The following LRRC75A variants were observed in gnomAD, a reference collection of about 807,000 sequenced individuals.
LRRC75A encodes leucine rich repeat containing 75A.
In LRRC75A, 12 loss-of-function variants were observed where a neutral mutation model predicts 26.0. That is an observed-to-expected ratio of 0.46 (90% confidence interval 0.30 to 0.75). LRRC75A has a LOEUF of 0.75. LRRC75A is among the 30% of genes least tolerant of loss of function. The probability of loss-of-function intolerance (pLI) is 0.08; values close to 1 mark genes in which losing one functional copy is unlikely to be tolerated. For missense variants in LRRC75A, 410 were observed against 486.6 expected (o/e 0.84, Z 1.48); for synonymous variants, 223 against 219.3 (o/e 1.02, Z -0.15).
intron 1 of LRRC75A, among the ~76,000 whole-genome samples, chr17:16,473,988 A>C (rs2093813613): frequency 6.6e-6 from 1 of 152,238 alleles, no homozygotes; most frequent in Non-Finnish European, 1.5e-5. Flanking sequence ...CTGGAAACAG[A>C]TGCCCAGCCG....
chr17:16,442,302 A>C lies in LRRC75A; in HGVS notation c.*1286T>G, dbSNP rs1389849100. On this transcript the variant is annotated 3_prime_UTR_variant, in exon 4 of 4. Coordinates refer to ENST00000470794, the MANE Select transcript of LRRC75A (RefSeq NM_001113567.3). ...ACCTTAACAGCATGTAGGGCCCCAT[A>C]CTCTAGGCCCCATCTTGCTGTCTTC... 1 of 151,952 alleles carries C rather than the reference A, an allele frequency of 6.6e-6. No individual in the cohort carries two copies. Among genetic ancestry groups the C allele is most frequent in the Non-Finnish European group, 1.5e-5 (1 of 68,038 alleles). 9.4% of individuals were successfully genotyped at this position (151,952 alleles called of 1,614,324 possible). A position where few individuals can be genotyped will look rare whatever the true frequency, so the allele number is the denominator to read the frequency against.
At chr17:16,447,652 T>A (rs1374187517) in intron 3 of LRRC75A, among the ~76,000 whole-genome samples, 193 bp downstream of exon 3, 1 of 152,026 alleles carries the variant, frequency 6.6e-6, no homozygotes, top group African/African-American at 2.4e-5. Context: ...CACATCTTCC[T>A]CCCACCCACC....
At chr17:16,481,161 G>A (rs1487538364) in intron 1 of LRRC75A, among the ~76,000 whole-genome samples, 1 of 152,216 alleles carries the variant, frequency 6.6e-6, no homozygotes, top group African/African-American at 2.4e-5. Flanking sequence ...AGCGCTGCCT[G>A]TCCTCTGATG....
At chr17:16,457,319 G>T (rs113045884) in intron 2 of LRRC75A, among the ~76,000 whole-genome samples, 4 of 152,264 alleles carry the variant, frequency 2.6e-5, no homozygotes, top group African/African-American at 9.6e-5. Flanking sequence ...CGGCTTTTCT[G>T]TTTCCTCTTG....
In LRRC75A at chr17:16,484,137, A is replaced by AC. The variant is rs757503593; in HGVS notation, c.246+7607dup. On this transcript the variant is annotated intron_variant, in intron 1 of 3. Transcript: ENST00000470794. ...CGGATCATGAAGTCAAGAGATCGAG[A>AC]CCATCCTGGCCAACATAGTGAAACC... Among the ~76,000 whole-genome samples, 59 of 152,042 alleles carry AC rather than the reference A, an allele frequency of 3.9e-4. 1 individual carries two copies. The highest frequency in any genetic ancestry group is 7.2e-4 in the Non-Finnish European group (49 of 67,986).
chr17:16,446,074 A>G (rs1015118032), intron 3 of LRRC75A, among the ~76,000 whole-genome samples: 1 of 152,098 alleles, frequency 6.6e-6, no homozygotes, highest in Non-Finnish European at 1.5e-5. Context: ...ATGCCCAGCT[A>G]ATTTTTTTAT....
At chr17:16,469,872 G>C (rs1478797460) in intron 1 of LRRC75A, among the ~76,000 whole-genome samples, 1 of 152,208 alleles carries the variant, frequency 6.6e-6, no homozygotes, top group Non-Finnish European at 1.5e-5. Flanking sequence ...GGAGAGGGGA[G>C]TGGAAGAGCC....
intron 1 of LRRC75A, among the ~76,000 whole-genome samples, chr17:16,484,855 C>T (rs1331795069): frequency 6.6e-6 from 1 of 151,970 alleles, no homozygotes; most frequent in Non-Finnish European, 1.5e-5. Context: ...TGTGTCTCTC[C>T]TGGTTAAGAT....
chr17:16,462,100 C>A lies in LRRC75A; in HGVS notation c.375+158G>T, dbSNP rs1277915005. 6.6e-6 allele frequency among the ~76,000 whole-genome samples: 1 copy of A among 152,164 alleles called. No individual in the cohort carries two copies. The highest frequency in any genetic ancestry group is 1.5e-5 in the Non-Finnish European group (1 of 68,014). ...AAACAAAACCAATCTGTGCTAGTGG[C>A]ACCAAGGGAGAGCACCTCAAGCTCT... On this transcript the variant is annotated intron_variant, in intron 2 of 3. Coordinates refer to ENST00000470794, the MANE Select transcript of LRRC75A (RefSeq NM_001113567.3). This position sits in a 1 kb window ranked among gnomAD's most constrained non-coding sequence, Gnocchi z 4.6.
In LRRC75A at chr17:16,462,281, G is replaced by A. The variant is rs748250830; in HGVS notation, c.352C>T (p.Arg118Cys). ...ITHDLIISLARYIHCPKPEGD... is the reference protein window; with the variant it reads ...ITHDLIISLACYIHCPKPEGD... ...ACCGGCTTGGGACAGTGGATGTAGCGTGCCAGGCTGATGATGAGGTCGTGT... is the reference window on the plus strand; with the variant it reads ...ACCGGCTTGGGACAGTGGATGTAGCATGCCAGGCTGATGATGAGGTCGTGT... Residue 118 changes from arginine (R) to cysteine (C), a missense_variant, in exon 2 of 4, where the codon CGC becomes TGC. By Grantham distance (180) the Arg-to-Cys change is radical. Transcript: ENST00000470794. The surrounding 1 kb of genome is among the most constrained non-coding windows in gnomAD (Gnocchi z 4.6). The A allele has an allele frequency of 3.0e-5, 48 of 1,613,966 alleles. No homozygotes were observed. Among genetic ancestry groups the A allele is most frequent in the Admixed American group, 6.7e-5 (4 of 59,976 alleles).
At position 16,442,135 on chromosome 17, in the gene LRRC75A, C is replaced by A. The variant is rs2093533365; in HGVS notation, c.*1453G>T. ...CCCTGTGGTCAGCCTAAGCTCTTAA[C>A]CCCCTATTCTACAGCTTTAGACTGA... is the stretch of plus-strand genomic sequence containing the variant. On this transcript the variant is annotated 3_prime_UTR_variant, in exon 4 of 4. Transcript: ENST00000470794. The A allele has an allele frequency of 6.6e-6, 1 of 152,308 alleles. No homozygotes were observed. Among genetic ancestry groups the A allele is most frequent in the Non-Finnish European group, 1.5e-5 (1 of 68,120 alleles). The allele number at this position is 152,308 out of a possible 1,614,324, so 9.4% of individuals were successfully genotyped here. A position where few individuals can be genotyped will look rare whatever the true frequency, so the allele number is the denominator to read the frequency against.
At chr17:16,476,989 T>C (rs11870244) in intron 1 of LRRC75A, among the ~76,000 whole-genome samples, 72,608 of 151,202 alleles carry the variant, frequency 0.48, 18,428 homozygotes, top group East Asian at 0.68. Flanking sequence ...CCGCCCGCCT[T>C]GGCCTCCCAA....
chr17:16,454,737 CAAAA>C (rs1245897945), intron 2 of LRRC75A, among the ~76,000 whole-genome samples: 1 of 151,494 alleles, frequency 6.6e-6, no homozygotes, highest in Non-Finnish European at 1.5e-5. Flanking sequence ...TTCTAACAAA[CAAAA>C]AACCAAAAAA....
In LRRC75A at chr17:16,462,993, T is replaced by C. The variant is rs1234870097; in HGVS notation, c.247-607A>G. ...AGGGGAGCAGCTTGGAGGCGAGTGCTACTAAGTGTGGTGGGGCCGCGGCAG... is the reference window on the plus strand; with the variant it reads ...AGGGGAGCAGCTTGGAGGCGAGTGCCACTAAGTGTGGTGGGGCCGCGGCAG... On this transcript the variant is annotated intron_variant, in intron 1 of 3. Transcript: ENST00000470794. The surrounding 1 kb of genome is among the most constrained non-coding windows in gnomAD (Gnocchi z 4.6). 6.5e-6 allele frequency: 1 copy of C among 153,740 alleles called. No individual in the cohort carries two copies. The highest frequency in any genetic ancestry group is 1.4e-5 in the Non-Finnish European group (1 of 69,184). The allele number at this position is 153,740 out of a possible 1,614,324, so 9.5% of individuals were successfully genotyped here. A position where few individuals can be genotyped will look rare whatever the true frequency, so the allele number is the denominator to read the frequency against.
chr17:16,448,215 C>G (rs147047205), intron 2 of LRRC75A: 3 of 447,008 alleles, frequency 6.7e-6, no homozygotes, highest in African/African-American at 2.0e-5. Flanking sequence ...TCCAGGAGAT[C>G]GGACAAAAGT....
At chr17:16,454,365 C>G (rs1250230524) in intron 2 of LRRC75A, among the ~76,000 whole-genome samples, 1 of 150,696 alleles carries the variant, frequency 6.6e-6, no homozygotes, top group African/African-American at 2.4e-5. Context: ...GCACTCCAGC[C>G]TGGGCAACAG....
rs779960352 is a variant in LRRC75A at position 16,447,918 on chromosome 17, G to A, written c.418C>T (p.Leu140=). ...GAGTGGGGGCTGAGGTGGTATGTCA[G>A]CTGCCGGCACAGCTTCTCCATGGCG... The part of the protein sequence containing the change: ...LGAMEKLCRQ[L]TYHLSPHSQW... The change falls in exon 3 of 4, where the codon CTG becomes TTG. Residue 140 remains leucine, a synonymous_variant. Transcript: ENST00000470794. The A allele has an allele frequency of 9.0e-6, 14 of 1,550,960 alleles. No homozygotes were observed. The highest frequency in any genetic ancestry group is 1.1e-5 in the Non-Finnish European group (13 of 1,146,924).
chr17:16,461,632 G>C (rs1457738100), intron 2 of LRRC75A, among the ~76,000 whole-genome samples: 1 of 152,186 alleles, frequency 6.6e-6, no homozygotes, highest in Non-Finnish European at 1.5e-5. Flanking sequence ...TGAAGGGGTG[G>C]GTGTCAAAGG....
In LRRC75A at chr17:16,462,438, G is replaced by T. The variant is rs764660209; in HGVS notation, c.247-52C>A. 2 of 1,607,792 alleles carry T rather than the reference G, an allele frequency of 1.2e-6. No homozygotes were observed. Among genetic ancestry groups the T allele is most frequent in the Admixed American group, 3.3e-5 (2 of 59,822 alleles). Reference sequence around the variant, plus strand: ...TCAGGGCTGGCTGCCCACCCAGCTCGCCCACCATCCCCAAGAGAAGTAGGC... The same window carrying T: ...TCAGGGCTGGCTGCCCACCCAGCTCTCCCACCATCCCCAAGAGAAGTAGGC... On this transcript the variant is annotated intron_variant, in intron 1 of 3. Coordinates refer to ENST00000470794, the MANE Select transcript of LRRC75A (RefSeq NM_001113567.3). The surrounding 1 kb of genome is among the most constrained non-coding windows in gnomAD (Gnocchi z 4.6).
Sources: gnomAD v4.1 joint callset for allele counts (sites outside exome capture counted in the v4.1 genomes callset) on GRCh38, gnomAD v4.1.1 for gene constraint, Gnocchi (gnomAD v3.1) non-coding constraint, MANE v1.5 for transcripts, NCBI Gene and HGNC (gene_info 2026-07-23, HGNC 2026-07-21) for gene names.